PGBD2: variants seen among roughly 807,000 people sequenced by gnomAD.
PGBD2 encodes the protein piggyBac transposable element derived 2.
PGBD2 carries 6 observed loss-of-function variants against 8.1 expected under a neutral mutation model. That is an observed-to-expected ratio of 0.74 (90% CI 0.40 to 1.46). The LOEUF is 1.46. PGBD2 is among the 40% of genes most tolerant of loss of function. PGBD2 has a pLI of 0.02. For missense variants in PGBD2, 802 were observed against 739.0 expected (o/e 1.09, Z -0.99); for synonymous variants, 318 against 272.2 (o/e 1.17, Z -1.66).
chr1:248,919,943 C>G (rs552431567), downstream of PGBD2: 2 of 152,672 alleles, frequency 1.3e-5, no homozygotes, highest in East Asian at 3.9e-4. Context: ...GGTGCGCAAT[C>G]TCGGCTCACT....
At chr1:248,889,992 A>C in the PGBD2 span, among the ~76,000 whole-genome samples, 1 of 141,442 alleles carries the variant, frequency 7.1e-6, no homozygotes, top group Admixed American at 7.3e-5. Flanking sequence ...CAATGGTGTG[A>C]TCTCAGCTCA....
upstream of PGBD2, among the ~76,000 whole-genome samples, chr1:248,903,552 A>G (rs1347382535): frequency 6.6e-6 from 1 of 152,182 alleles, no homozygotes; most frequent in Admixed American, 6.5e-5. Flanking sequence ...AAATCAATTC[A>G]ATTGTCATCG....
chr1:248,881,134 A>C, the PGBD2 span, among the ~76,000 whole-genome samples: 1 of 152,136 alleles, frequency 6.6e-6, no homozygotes, highest in African/African-American at 2.4e-5. Context: ...TTCCGAGAAA[A>C]ACAGTCTCAT....
intron 1 of PGBD2, among the ~76,000 whole-genome samples, chr1:248,907,745 T>G (rs1254079718): frequency 6.6e-6 from 1 of 152,202 alleles, no homozygotes; most frequent in East Asian, 1.9e-4. Flanking sequence ...AACACATGTT[T>G]TTGTGAGGTC....
chr1:248,929,972 G>A, the PGBD2 span, among the ~76,000 whole-genome samples: 1 of 152,216 alleles, frequency 6.6e-6, no homozygotes, highest in African/African-American at 2.4e-5. Flanking sequence ...GAAGACCAGA[G>A]TTTCGTTGTC....
At chr1:248,875,314 AAAAAAAAAAAAAAAG>A in the PGBD2 span, among the ~76,000 whole-genome samples, 46 of 149,826 alleles carry the variant, frequency 3.1e-4, no homozygotes, top group African/African-American at 1.1e-3. Context: ...AAAACAAAAA[AAAAAAAAAAAAAAAG>A]AAAAGAAAAA....
At position 248,916,622 on chromosome 1, in the gene PGBD2, G is replaced by T; in HGVS notation, c.38G>T (p.Gly13Val). The T allele has an allele frequency of 6.2e-7, 1 of 1,614,036 alleles. No individual in the cohort carries two copies. Among genetic ancestry groups the T allele is most frequent in the Non-Finnish European group, 8.5e-7 (1 of 1,179,970 alleles). Residue 13 changes from glycine to valine, a missense_variant, in exon 3 of 3, where the codon GGT becomes GTT. Coordinates refer to ENST00000329291, the MANE Select transcript of PGBD2 (RefSeq NM_170725.3). The stretch of plus-strand genomic sequence containing the variant: ...AACAGAGATGTCATTGCTGGGAGAG[G>T]TATCCACTCAAAGGTGAAGTCTGCA... ...STSRDVIAGR[G>V]IHSKVKSAKL...
At chr1:248,896,959 G>A in the PGBD2 span, among the ~76,000 whole-genome samples, 3 of 152,216 alleles carry the variant, frequency 2.0e-5, no homozygotes. Context: ...AAGTAAAGTA[G>A]AGGTTCCTCT....
chr1:248,915,334 A>G (rs1303648665), intron 2 of PGBD2, among the ~76,000 whole-genome samples: 2 of 152,242 alleles, frequency 1.3e-5, no homozygotes, highest in Non-Finnish European at 2.9e-5. Context: ...AGCCAGATAC[A>G]TTCTGTAGAA....
the PGBD2 span, among the ~76,000 whole-genome samples, chr1:248,875,312 A>AAAAAAAAAAAAAAAAG: frequency 6.9e-6 from 1 of 144,414 alleles, no homozygotes; most frequent in African/African-American, 2.8e-5. Flanking sequence ...ACAAAACAAA[A>AAAAAAAAAAAAAAAAG]AAAAAAAAAA....
chr1:248,899,755 A>C, the PGBD2 span, among the ~76,000 whole-genome samples: 2 of 151,622 alleles, frequency 1.3e-5, no homozygotes, highest in African/African-American at 4.8e-5. Context: ...GACATCAAAA[A>C]CCCTTAAAAA....
At chr1:248,916,196 G>A (rs1458822466) in intron 2 of PGBD2, among the ~76,000 whole-genome samples, 3 of 152,020 alleles carry the variant, frequency 2.0e-5, no homozygotes, top group Non-Finnish European at 4.4e-5. Context: ...GGTGGATCAC[G>A]AGGTCAGGAG....
chr1:248,918,519 A>G lies in PGBD2; in HGVS notation c.*156A>G. 1.6e-6 allele frequency: 1 copy of G among 616,152 alleles called. No individual in the cohort carries two copies. The highest frequency in any genetic ancestry group is 2.7e-6 in the Non-Finnish European group (1 of 372,522). The allele number at this position is 616,152 out of a possible 1,614,324, so 38.2% of individuals were successfully genotyped here. ...TACCCACAATACAGTTATCTTTTTTATTGTGTTGTGTTATGCCTACATGTG... is the reference window on the plus strand; with the variant it reads ...TACCCACAATACAGTTATCTTTTTTGTTGTGTTGTGTTATGCCTACATGTG... On this transcript the variant is annotated 3_prime_UTR_variant, in exon 3 of 3. Transcript: ENST00000329291.
the PGBD2 span, among the ~76,000 whole-genome samples, chr1:248,925,766 C>T: frequency 6.6e-6 from 1 of 152,022 alleles, no homozygotes. Context: ...TAAGAGGAAA[C>T]ATTTTCAGAT....
At chr1:248,929,062 T>C in the PGBD2 span, among the ~76,000 whole-genome samples, 2 of 152,340 alleles carry the variant, frequency 1.3e-5, no homozygotes, top group South Asian at 2.1e-4. Flanking sequence ...ATTTTTTAAG[T>C]ATTTGTTTTA....
chr1:248,880,802 A>G, the PGBD2 span, among the ~76,000 whole-genome samples: 8 of 152,316 alleles, frequency 5.3e-5, no homozygotes, highest in East Asian at 1.5e-3. Flanking sequence ...TCTGATGACC[A>G]TCGGACTCCT....
the PGBD2 span, among the ~76,000 whole-genome samples, chr1:248,894,705 T>G: frequency 7.1e-6 from 1 of 139,996 alleles, no homozygotes; most frequent in African/African-American, 2.9e-5. Context: ...CTCCCTCCTT[T>G]CTTTCTTGCT....
chr1:248,877,246 T>G, the PGBD2 span, among the ~76,000 whole-genome samples: 4 of 152,200 alleles, frequency 2.6e-5, no homozygotes. Context: ...GAGCCTGTTT[T>G]AGTTTCTGTT....
chr1:248,882,056 T>G, the PGBD2 span, among the ~76,000 whole-genome samples: 2 of 152,192 alleles, frequency 1.3e-5, no homozygotes, highest in Non-Finnish European at 2.9e-5. Flanking sequence ...ATGTTTATTG[T>G]GGGATCTGGC....
Sources: gnomAD v4.1 joint callset for allele counts (sites outside exome capture counted in the v4.1 genomes callset) on GRCh38, gnomAD v4.1.1 for gene constraint, MANE v1.5 for transcripts, NCBI Gene and HGNC (gene_info 2026-07-23, HGNC 2026-07-21) for gene names.